CORO1C: variants seen among roughly 807,000 people sequenced by gnomAD.
The protein encoded by CORO1C is coronin-1C.
A neutral mutation model predicts 51.2 loss-of-function variants in CORO1C; 14 were observed. That is an observed-to-expected ratio of 0.27 (90% CI 0.18 to 0.43). The LOEUF (loss-of-function observed/expected upper bound fraction) is 0.43. Ranked by LOEUF, CORO1C falls within the 20% of genes least tolerant of loss-of-function variation. The pLI, the probability that CORO1C is intolerant of heterozygous loss-of-function variation, is 1.00. For synonymous variants in CORO1C, 181 were observed against 210.5 expected, an observed-to-expected ratio of 0.86 and a Z score of 1.21; for missense variants, 417 against 607.8, an observed-to-expected ratio of 0.69 and a Z score of 3.30.
Position 108,675,998 on chromosome 12 carries a change from G to A in CORO1C, c.318+2274C>T, listed in dbSNP as rs979784950. ...GCACAGGTCAAAGGTCAGGGCTTCC[G>A]AATAGATAAATTGTAGGGAAAAGAA... On this transcript the variant is annotated intron_variant, in intron 3 of 10. Coordinates refer to ENST00000261401, the MANE Select transcript of CORO1C (RefSeq NM_014325.4). 3.9e-5 allele frequency among the ~76,000 whole-genome samples: 6 copies of A among 152,124 alleles called. No homozygotes were observed. The South Asian group carries it at 8.3e-4, about 21-fold the overall frequency.
chr12:108,677,159 G>A (rs752478252), intron 3 of CORO1C, among the ~76,000 whole-genome samples: 7 of 152,204 alleles, frequency 4.6e-5, no homozygotes, highest in Non-Finnish European at 8.8e-5. Flanking sequence ...GTGCGAGACT[G>A]CTTACAAATT....
intron 4 of CORO1C, 90 bp from the exon 5 acceptor site, chr12:108,659,009 A>G (rs1032235694): frequency 3.8e-6 from 5 of 1,321,196 alleles, no homozygotes; most frequent in Non-Finnish European, 5.2e-6. Context: ...GAATACACAT[A>G]TGTATATGCA....
Position 108,645,279 on chromosome 12 carries a change from T to G in CORO1C, c.*2124A>C, listed in dbSNP as rs1224504641. 2 of 151,754 alleles carry G rather than the reference T, an allele frequency of 1.3e-5. No individual in the cohort carries two copies. The highest frequency in any genetic ancestry group is 1.3e-4 in the Admixed American group (2 of 15,246). The allele number at this position is 151,754 out of a possible 1,614,324, so 9.4% of individuals were successfully genotyped here. A position where few individuals can be genotyped will look rare whatever the true frequency, so the allele number is the denominator to read the frequency against. ...AAACAGGAAAATAATCCACAATGCT[T>G]TGGGCGCCTACTCTGAGCTTGGCTG... On this transcript the variant is annotated 3_prime_UTR_variant, in exon 11 of 11. Transcript: ENST00000261401.
chr12:108,659,303 G>A (rs1324510248), intron 4 of CORO1C, among the ~76,000 whole-genome samples: 2 of 152,308 alleles, frequency 1.3e-5, no homozygotes, highest in East Asian at 3.9e-4. Context: ...TCCCTTTCTA[G>A]TAAAACAAGC....
chr12:108,657,715 A>G lies in CORO1C; in HGVS notation c.631-292T>C, dbSNP rs566361965. 6.4e-4 allele frequency among the ~76,000 whole-genome samples: 97 copies of G among 152,362 alleles called. 4 individuals carry two copies. The South Asian group carries it at 0.02, about 31-fold the overall frequency. ...AGTCTATGCACTGTGAAAATAAAAC[A>G]CATGAAAGGACTCTGACAAATGTTT... On this transcript the variant is annotated intron_variant, in intron 5 of 10. Transcript: ENST00000261401.
chr12:108,695,851 T>TAAAAAAAAAAAA (rs924887183), intron 2 of CORO1C, among the ~76,000 whole-genome samples: 17 of 62,460 alleles, frequency 2.7e-4, no homozygotes, highest in African/African-American at 8.3e-4. Context: ...TTGGGAGAAC[T>TAAAAAAAAAAAA]AAAAAAAAAA....
intron 8 of CORO1C, among the ~76,000 whole-genome samples, chr12:108,649,871 G>A (rs1484291815): frequency 3.3e-5 from 5 of 152,162 alleles, no homozygotes; most frequent in Non-Finnish European, 5.9e-5. Flanking sequence ...GAATGTGGGC[G>A]TCAATGCTGC....
At chr12:108,698,322 A>G (rs2034756485) in intron 2 of CORO1C, among the ~76,000 whole-genome samples, 1 of 152,256 alleles carries the variant, frequency 6.6e-6, no homozygotes, top group South Asian at 2.1e-4. Context: ...AGTACACACC[A>G]ACTGCACTGG....
Position 108,662,009 on chromosome 12 carries a change from C to G in CORO1C, c.448+20G>C, listed in dbSNP as rs1490003672. Reference sequence around the variant, plus strand: ...ACAAGAGTGGAAGACAAGGGGAGGACCGCTGAGCTCAGCTCCCACCTGCAC... The same window carrying G: ...ACAAGAGTGGAAGACAAGGGGAGGAGCGCTGAGCTCAGCTCCCACCTGCAC... On this transcript the variant is annotated intron_variant, in intron 4 of 10. Coordinates refer to ENST00000261401, the MANE Select transcript of CORO1C (RefSeq NM_014325.4). 6.2e-7 allele frequency: 1 copy of G among 1,613,984 alleles called. No individual in the cohort carries two copies. The highest frequency in any genetic ancestry group is 2.2e-5 in the East Asian group (1 of 44,874).
intron 3 of CORO1C, among the ~76,000 whole-genome samples, chr12:108,670,598 G>C (rs980869721): frequency 5.3e-5 from 8 of 152,118 alleles, no homozygotes; most frequent in Admixed American, 4.6e-4. Flanking sequence ...ATGTCAGAGA[G>C]GGAGTTCTGT....
chr12:108,656,188 C>T (rs1436741996), intron 6 of CORO1C, among the ~76,000 whole-genome samples: 1 of 148,626 alleles, frequency 6.7e-6, no homozygotes, highest in African/African-American at 2.5e-5. Flanking sequence ...GCCCGGCAGC[C>T]GCCCCGTCTG....
intron 1 of CORO1C, among the ~76,000 whole-genome samples, chr12:108,711,845 C>T (rs1398898545): frequency 6.6e-6 from 1 of 152,122 alleles, no homozygotes; most frequent in African/African-American, 2.4e-5. Context: ...ACTTCCATCT[C>T]ATAAAAAATG....
intron 1 of CORO1C, among the ~76,000 whole-genome samples, chr12:108,723,028 A>G (rs975236222): frequency 3.3e-5 from 5 of 152,264 alleles, no homozygotes; most frequent in African/African-American, 9.6e-5. Context: ...GACAACGTGC[A>G]TCTTATTAAA....
chr12:108,673,284 C>T (rs1000614242), intron 3 of CORO1C, among the ~76,000 whole-genome samples: 1 of 152,152 alleles, frequency 6.6e-6, no homozygotes, highest in African/African-American at 2.4e-5. Flanking sequence ...ACAAACCAGC[C>T]ACAAGATTCC....
At chr12:108,656,493 G>A (rs1032576227) in intron 6 of CORO1C, among the ~76,000 whole-genome samples, 15 of 151,720 alleles carry the variant, frequency 9.9e-5, no homozygotes, top group South Asian at 6.3e-4. Context: ...CTGCCCTGCC[G>A]CCCCTTCTGG....
At chr12:108,712,538 C>A (rs2035212058) in intron 1 of CORO1C, among the ~76,000 whole-genome samples, 1 of 129,334 alleles carries the variant, frequency 7.7e-6, no homozygotes, top group Non-Finnish European at 1.6e-5. Context: ...TGTGCCACTA[C>A]ACCCCAGCCT....
intron 2 of CORO1C, among the ~76,000 whole-genome samples, chr12:108,695,851 TAAAAAAAAAAAAAAA>T (rs924887183): frequency 1.6e-5 from 1 of 62,452 alleles, no homozygotes; most frequent in Non-Finnish European, 3.3e-5. Context: ...TTGGGAGAAC[TAAAAAAAAAAAAAAA>T]AAAAAAAAAC....
chr12:108,662,293 G>T, intron 3 of CORO1C, 135 bp from the exon 4 acceptor site: 1 of 766,148 alleles, frequency 1.3e-6, no homozygotes, highest in Non-Finnish European at 2.1e-6. Flanking sequence ...AAGGCAGAAT[G>T]TTGTGAAATG....
intron 3 of CORO1C, among the ~76,000 whole-genome samples, chr12:108,677,180 C>T (rs2033938134): frequency 6.6e-6 from 1 of 152,180 alleles, no homozygotes; most frequent in Non-Finnish European, 1.5e-5. Flanking sequence ...AATTAGAGAC[C>T]ATCTTCCCTT....
Sources: gnomAD v4.1 joint callset for allele counts (sites outside exome capture counted in the v4.1 genomes callset) on GRCh38, gnomAD v4.1.1 for gene constraint, MANE v1.5 for transcripts, NCBI Gene and HGNC (gene_info 2026-07-23, HGNC 2026-07-21) for gene names.